Variants in EXOC6 observed in about 807,000 individuals in gnomAD.
EXOC6 encodes SEC15-like 1.
Under a neutral mutation model 112.5 loss-of-function variants are expected in EXOC6, and 60 were observed. The observed-to-expected ratio is 0.53, with a 90% CI of 0.43 to 0.66. EXOC6 has a LOEUF of 0.66. Ranked by LOEUF, EXOC6 falls within the 30% of genes least tolerant of loss-of-function variation. The pLI is 0.00. For synonymous variants in EXOC6, 295 were observed against 308.0 expected (o/e 0.96, Z 0.44); for missense variants, 855 against 957.1 (o/e 0.89, Z 1.41).
chr10:92,923,394 C>T (rs925180440), intron 8 of EXOC6, among the ~76,000 whole-genome samples: 2 of 152,174 alleles, frequency 1.3e-5, no homozygotes, highest in Non-Finnish European at 2.9e-5. Context: ...CTTAAAACAA[C>T]AAACATTATT....
intron 8 of EXOC6, among the ~76,000 whole-genome samples, chr10:92,927,275 A>C (rs1851774776): frequency 6.6e-6 from 1 of 151,936 alleles, no homozygotes; most frequent in South Asian, 2.1e-4. Flanking sequence ...CTGATGTTGG[A>C]TGGGTTCTCT....
chr10:93,010,086 A>C (rs924470295), intron 19 of EXOC6, among the ~76,000 whole-genome samples: 1 of 152,198 alleles, frequency 6.6e-6, no homozygotes, highest in Non-Finnish European at 1.5e-5. Flanking sequence ...AACAAGATTG[A>C]CTGCAGTTGA....
At chr10:92,989,009 T>G (rs752281980) in intron 18 of EXOC6, among the ~76,000 whole-genome samples, 1 of 152,236 alleles carries the variant, frequency 6.6e-6, no homozygotes, top group African/African-American at 2.4e-5. Flanking sequence ...CTGATTCCAC[T>G]TAACTGCATG....
chr10:92,931,480 C>G (rs1852036791), intron 9 of EXOC6, among the ~76,000 whole-genome samples: 1 of 151,622 alleles, frequency 6.6e-6, no homozygotes, highest in Admixed American at 6.6e-5. Context: ...ATGATCAAAT[C>G]AGAGTAATTA....
intron 5 of EXOC6, among the ~76,000 whole-genome samples, chr10:92,902,196 ATGTGGTGGGTACTTTT>A (rs928824937): frequency 1.3e-5 from 2 of 151,786 alleles, no homozygotes; most frequent in South Asian, 2.1e-4. Flanking sequence ...ATGTCCTTTG[ATGTGGTGGGTACTTTT>A]TGTGGTGGGT....
chr10:92,836,800 G>A (rs889577733), intron 1 of EXOC6, among the ~76,000 whole-genome samples: 1 of 152,112 alleles, frequency 6.6e-6, no homozygotes, highest in African/African-American at 2.4e-5. Flanking sequence ...ATCAGCTCAT[G>A]TGGCCAAATA....
chr10:92,957,500 A>G (rs1370285405), intron 17 of EXOC6, among the ~76,000 whole-genome samples: 1 of 152,174 alleles, frequency 6.6e-6, no homozygotes, highest in Non-Finnish European at 1.5e-5. Context: ...ATCATTCCAG[A>G]GTTGAAGCCA....
At chr10:92,980,594 T>C (rs951242456) in intron 18 of EXOC6, among the ~76,000 whole-genome samples, 5 of 152,212 alleles carry the variant, frequency 3.3e-5, no homozygotes, top group African/African-American at 1.2e-4. Flanking sequence ...ATGTTCTTTA[T>C]TATGAAAGGC....
upstream of EXOC6, among the ~76,000 whole-genome samples, chr10:92,845,250 G>A (rs917246639): frequency 6.6e-6 from 1 of 152,154 alleles, no homozygotes; most frequent in Non-Finnish European, 1.5e-5. Context: ...CAGTGCAGAC[G>A]TTAAATCATT....
chr10:92,977,708 TTTTATG>T (rs1305705715), intron 18 of EXOC6, among the ~76,000 whole-genome samples: 2 of 151,490 alleles, frequency 1.3e-5, no homozygotes, highest in East Asian at 3.9e-4. Context: ...CACACACACG[TTTTATG>T]TTTTAATATC....
chr10:92,903,910 G>C (rs1850307054), intron 5 of EXOC6, among the ~76,000 whole-genome samples: 2 of 151,996 alleles, frequency 1.3e-5, no homozygotes, highest in African/African-American at 2.4e-5. Flanking sequence ...GTATCATACA[G>C]AATAGTTTCA....
chr10:92,906,462 C>T (rs1034878689), intron 5 of EXOC6, among the ~76,000 whole-genome samples: 2 of 152,110 alleles, frequency 1.3e-5, no homozygotes, highest in Non-Finnish European at 2.9e-5. Flanking sequence ...ATAATTTGTA[C>T]TTTGTAGGCC....
upstream of EXOC6, chr10:92,831,421 A>G (rs1278685129): frequency 2.2e-6 from 2 of 897,558 alleles, no homozygotes; most frequent in East Asian, 6.7e-5. Context: ...CTTCTATACT[A>G]TATTCTATTT....
In EXOC6 at chr10:92,901,836, GA is replaced by G. The variant is rs112360123; in HGVS notation, c.458+2207del. On this transcript the variant is annotated intron_variant, in intron 5 of 21. Transcript: ENST00000260762. ...CGTATGGTAAAACCCCATCTCTACT[GA>G]AAAAAAAAAAAAAATAGCTGAGCGT... is the stretch of plus-strand genomic sequence containing the variant. 8.9e-4 allele frequency: 103 copies of G among 115,290 alleles called. 1 individual carries two copies. Among genetic ancestry groups the G allele is most frequent in the African/African-American group, 1.4e-3 (44 of 30,372 alleles). 7.1% of individuals were successfully genotyped at this position (115,290 alleles called of 1,614,324 possible). A position where few individuals can be genotyped will look rare whatever the true frequency, so the allele number is the denominator to read the frequency against.
chr10:93,006,639 C>G (rs1219575952), intron 19 of EXOC6, among the ~76,000 whole-genome samples: 1 of 152,160 alleles, frequency 6.6e-6, no homozygotes, highest in Non-Finnish European at 1.5e-5. Context: ...AGAAAAACCA[C>G]TAGATGGTGC....
intron 1 of EXOC6, among the ~76,000 whole-genome samples, chr10:92,856,290 G>A (rs1382914136): frequency 6.6e-6 from 1 of 151,466 alleles, no homozygotes; most frequent in African/African-American, 2.4e-5. Flanking sequence ...TGGAAGTTTG[G>A]GTTATTAATT....
At chr10:92,833,270 G>T (rs1846550616), upstream of EXOC6, among the ~76,000 whole-genome samples, 1 of 152,226 alleles carries the variant, frequency 6.6e-6, no homozygotes, top group Non-Finnish European at 1.5e-5. Context: ...GTTTCAGGCT[G>T]CTGCAGCTAG....
intron 20 of EXOC6, among the ~76,000 whole-genome samples, chr10:93,020,822 A>C (rs1844748738): frequency 6.6e-6 from 1 of 151,936 alleles, no homozygotes; most frequent in African/African-American, 2.4e-5. Flanking sequence ...GCTGAACGGA[A>C]GAAGCAGCAC....
intron 1 of EXOC6, among the ~76,000 whole-genome samples, chr10:92,866,588 GT>G (rs879763698): frequency 9.9e-5 from 15 of 152,058 alleles, no homozygotes; most frequent in Middle Eastern, 6.8e-3. Flanking sequence ...TAAATTAAAA[GT>G]TTGTCAGAAT....
Sources: allele counts gnomAD v4.1 joint callset (sites outside exome capture counted in the v4.1 genomes callset), GRCh38; gene constraint gnomAD v4.1.1; transcripts MANE v1.5; gene names NCBI Gene and HGNC (gene_info 2026-07-23, HGNC 2026-07-21).